UNC5D: variants seen among roughly 807,000 people sequenced by gnomAD.
The protein encoded by UNC5D is netrin receptor UNC5D.
In UNC5D, 39 loss-of-function variants were observed where a neutral mutation model predicts 105.4. That is an observed-to-expected ratio of 0.37 (90% confidence interval 0.29 to 0.48). UNC5D has a LOEUF of 0.48. Ranked by LOEUF, UNC5D falls within the 20% of genes least tolerant of loss-of-function variation. UNC5D has a pLI of 0.98. For synonymous variants in UNC5D, 452 were observed against 450.4 expected, an observed-to-expected ratio of 1.00 and a Z score of -0.04; for missense variants, 991 against 1,202.4, an observed-to-expected ratio of 0.82 and a Z score of 2.60.
chr8:35,555,148 A>G (rs1485304997), intron 2 of UNC5D, among the ~76,000 whole-genome samples: 2 of 152,198 alleles, frequency 1.3e-5, no homozygotes, highest in African/African-American at 4.8e-5. Context: ...AATAATCTCT[A>G]AAGTGTTTTA....
chr8:35,450,296 C>T (rs1039390406), intron 1 of UNC5D, among the ~76,000 whole-genome samples: 50 of 152,218 alleles, frequency 3.3e-4, no homozygotes, highest in Middle Eastern at 3.4e-3. Context: ...GTGTCCTGTC[C>T]GTTGCTCAGA....
At chr8:35,308,300 A>G (rs1004822631) in intron 1 of UNC5D, among the ~76,000 whole-genome samples, 5 of 152,056 alleles carry the variant, frequency 3.3e-5, no homozygotes, top group South Asian at 2.1e-4. Context: ...ATGGGTTACT[A>G]TAATGCTACA....
At chr8:35,784,230 G>T (rs1344950365) in intron 16 of UNC5D, among the ~76,000 whole-genome samples, 1 of 152,080 alleles carries the variant, frequency 6.6e-6, no homozygotes, top group Non-Finnish European at 1.5e-5. Flanking sequence ...TTAAGCTCAA[G>T]AAAACAAAAT....
intron 1 of UNC5D, chr8:35,525,481 T>C (rs987305039): frequency 1.4e-5 from 22 of 1,612,094 alleles, no homozygotes; most frequent in African/African-American, 5.3e-5. Context: ...TTCTCCTCCT[T>C]CTCTGTCCGT....
At position 35,428,324 on chromosome 8, in the gene UNC5D, G is replaced by A. The variant is rs1806380475; in HGVS notation, c.104-120968G>A. Among the ~76,000 whole-genome samples, 3 of 148,404 alleles carry A rather than the reference G, an allele frequency of 2.0e-5. No homozygotes were observed. In the South Asian group the frequency reaches 6.5e-4, roughly 32 times the overall value. ...GTTTTCTAAGTAGCTGGGATTACAG[G>A]TACATGCCACCATGCCTGGCTATTT... On this transcript the variant is annotated intron_variant, in intron 1 of 16. Coordinates refer to ENST00000404895, the MANE Select transcript of UNC5D (RefSeq NM_080872.4).
intron 1 of UNC5D, among the ~76,000 whole-genome samples, chr8:35,438,544 A>C (rs1807181745): frequency 6.6e-6 from 1 of 152,024 alleles, no homozygotes; most frequent in Admixed American, 6.6e-5. Flanking sequence ...AGAAAACTAT[A>C]AATGTCTTTA....
intron 1 of UNC5D, among the ~76,000 whole-genome samples, chr8:35,544,848 C>T (rs1815534603): frequency 6.6e-6 from 1 of 152,054 alleles, no homozygotes; most frequent in Non-Finnish European, 1.5e-5. Context: ...GGTGATCTGC[C>T]CACCTCTGCC....
chr8:35,510,847 A>G (rs748741844), intron 1 of UNC5D, among the ~76,000 whole-genome samples: 5 of 152,220 alleles, frequency 3.3e-5, no homozygotes, highest in Admixed American at 6.5e-5. Context: ...ACACATATAA[A>G]TCAATGTCTG....
chr8:35,282,114 T>C (rs1168850698), intron 1 of UNC5D, among the ~76,000 whole-genome samples: 1 of 152,228 alleles, frequency 6.6e-6, no homozygotes, highest in East Asian at 1.9e-4. Context: ...GTCTAACAAA[T>C]TGTTTTTCTT....
chr8:35,512,500 A>G (rs1435488615), intron 1 of UNC5D, among the ~76,000 whole-genome samples: 9 of 116,202 alleles, frequency 7.7e-5, no homozygotes, highest in African/African-American at 3.3e-4. Context: ...ATATATATAT[A>G]TATATATATC....
intron 1 of UNC5D, among the ~76,000 whole-genome samples, chr8:35,399,928 T>TTGG (rs1804347412): frequency 6.6e-6 from 1 of 152,144 alleles, no homozygotes; most frequent in Non-Finnish European, 1.5e-5. Context: ...TGTAATCAGC[T>TTGG]TGGTGACTTC....
chr8:35,269,085 A>G (rs751015562), intron 1 of UNC5D, among the ~76,000 whole-genome samples: 1 of 152,236 alleles, frequency 6.6e-6, no homozygotes, highest in African/African-American at 2.4e-5. Flanking sequence ...AAGAAAACAC[A>G]TATTTAAGGT....
intron 1 of UNC5D, among the ~76,000 whole-genome samples, chr8:35,424,584 A>G (rs945863849): frequency 2.0e-5 from 3 of 152,152 alleles, no homozygotes; most frequent in African/African-American, 7.2e-5. Context: ...AAGATTCCCT[A>G]GACCCCATTC....
chr8:35,778,250 T>C (rs1023058188), intron 16 of UNC5D, among the ~76,000 whole-genome samples: 3 of 152,210 alleles, frequency 2.0e-5, no homozygotes, highest in East Asian at 1.9e-4. Flanking sequence ...ACCAAAATAC[T>C]TGGAGAAGAA....
chr8:35,602,684 C>T (rs1420598559), intron 4 of UNC5D, among the ~76,000 whole-genome samples: 1 of 152,100 alleles, frequency 6.6e-6, no homozygotes, highest in Admixed American at 6.5e-5. Context: ...TTTGATTCTT[C>T]TCTTTTTTCT....
chr8:35,465,362 G>A (rs1007360686), intron 1 of UNC5D, among the ~76,000 whole-genome samples: 2 of 152,130 alleles, frequency 1.3e-5, no homozygotes, highest in East Asian at 3.9e-4. Flanking sequence ...CTGCACTCCA[G>A]CCTGGGCAAC....
chr8:35,748,749 G>A, intron 12 of UNC5D, 54 bp downstream of exon 12: 5 of 1,575,870 alleles, frequency 3.2e-6, no homozygotes, highest in Non-Finnish European at 8.6e-7. Context: ...CCACCTATGG[G>A]ATATATTTAA....
chr8:35,327,813 A>G (rs1393861072), intron 1 of UNC5D, among the ~76,000 whole-genome samples: 1 of 152,198 alleles, frequency 6.6e-6, no homozygotes, highest in Non-Finnish European at 1.5e-5. Context: ...TCACAAGTAC[A>G]ATGTTGCAAG....
chr8:35,538,172 G>A (rs943570309), intron 1 of UNC5D, among the ~76,000 whole-genome samples: 2 of 151,826 alleles, frequency 1.3e-5, no homozygotes, highest in African/African-American at 2.4e-5. Context: ...GAATCTAAAG[G>A]AGGAGAATCG....
Sources: gnomAD v4.1 joint callset for allele counts (sites outside exome capture counted in the v4.1 genomes callset) on GRCh38, gnomAD v4.1.1 for gene constraint, MANE v1.5 for transcripts, NCBI Gene and HGNC (gene_info 2026-07-23, HGNC 2026-07-21) for gene names.